ELAVL4: variants seen among roughly 807,000 people sequenced by gnomAD.
The protein encoded by ELAVL4 is ELAV-like protein 4.
A neutral mutation model predicts 35.6 loss-of-function variants in ELAVL4; 1 was observed. The ratio of observed to expected loss-of-function variants is 0.03; its 90% CI spans 0.01 to 0.13. The LOEUF (loss-of-function observed/expected upper bound fraction) is 0.13, where lower values mean the gene tolerates loss of function less well. Among genes scored for constraint, ELAVL4 ranks in the 10% least tolerant of loss-of-function variants. ELAVL4 has a pLI of 1.00. For synonymous variants in ELAVL4, 156 were observed against 171.0 expected, an observed-to-expected ratio of 0.91 and a Z score of 0.69; for missense variants, 267 against 464.9, an observed-to-expected ratio of 0.57 and a Z score of 3.91.
At chr1:50,099,199 A>G (rs1665847187), upstream of ELAVL4, among the ~76,000 whole-genome samples, 1 of 152,174 alleles carries the variant, frequency 6.6e-6, no homozygotes, top group Admixed American at 6.5e-5. Context: ...CTGTTATTCC[A>G]TGTGCTGGGG....
At chr1:50,174,416 A>C (rs1679602792) in intron 2 of ELAVL4, 1 of 150,154 alleles carries the variant, frequency 6.7e-6, no homozygotes. Flanking sequence ...GAAGTTCATT[A>C]TTTCATATCA....
chr1:50,061,449 T>A (rs1663966137), intron 1 of ELAVL4, among the ~76,000 whole-genome samples: 1 of 152,188 alleles, frequency 6.6e-6, no homozygotes, highest in Non-Finnish European at 1.5e-5. Flanking sequence ...TAAAATTACA[T>A]GTAGTTGTAT....
At chr1:50,196,414 G>C (rs1644063033) in intron 5 of ELAVL4, among the ~76,000 whole-genome samples, 1 of 152,178 alleles carries the variant, frequency 6.6e-6, no homozygotes, top group African/African-American at 2.4e-5. Flanking sequence ...CTAAAAGACA[G>C]GTTTCTCTCC....
chr1:50,099,590 A>G (rs924858049), upstream of ELAVL4, among the ~76,000 whole-genome samples: 1 of 151,920 alleles, frequency 6.6e-6, no homozygotes, highest in Non-Finnish European at 1.5e-5. Context: ...AGAAAGAAAA[A>G]GAAAGAAAGT....
intron 1 of ELAVL4, among the ~76,000 whole-genome samples, chr1:50,119,541 T>TA (rs1216002446): frequency 6.6e-6 from 1 of 152,080 alleles, no homozygotes; most frequent in Non-Finnish European, 1.5e-5. Context: ...TTCTTTTTTT[T>TA]AGATTTCTGG....
At chr1:50,144,896 A>C (rs754862257) in intron 1 of ELAVL4, 61 bp from the exon 2 acceptor site, 8 of 1,581,682 alleles carry the variant, frequency 5.1e-6, no homozygotes, top group Non-Finnish European at 6.8e-6. Flanking sequence ...ATAAACTTTT[A>C]AAAGAGACTT....
chr1:50,086,476 T>TTATATATATATATATA (rs35215248), intron 1 of ELAVL4, among the ~76,000 whole-genome samples: 3 of 144,410 alleles, frequency 2.1e-5, no homozygotes, highest in South Asian at 2.2e-4. Context: ...CATTCAGCTT[T>TTATATATATATATATA]TATATATATA....
intron 2 of ELAVL4, among the ~76,000 whole-genome samples, chr1:50,160,823 C>T (rs901217363): frequency 6.6e-6 from 1 of 152,198 alleles, no homozygotes; most frequent in African/African-American, 2.4e-5. Flanking sequence ...GTGCCAAGCC[C>T]TCTCACATAA....
intron 3 of ELAVL4, among the ~76,000 whole-genome samples, chr1:50,191,198 C>G (rs1462274941): frequency 6.6e-6 from 1 of 152,192 alleles, no homozygotes; most frequent in African/African-American, 2.4e-5. Context: ...ATGCCTTGTT[C>G]TTGCTGTGTT....
chr1:50,118,795 C>T (rs890384145), intron 1 of ELAVL4, among the ~76,000 whole-genome samples: 2 of 151,610 alleles, frequency 1.3e-5, no homozygotes, highest in Non-Finnish European at 1.5e-5. Context: ...CTTGAAACAC[C>T]GATTTTGAAT....
At chr1:50,055,424 C>T (rs1019978772) in intron 1 of ELAVL4, among the ~76,000 whole-genome samples, 2 of 151,992 alleles carry the variant, frequency 1.3e-5, no homozygotes, top group East Asian at 2.0e-4. Flanking sequence ...CTCAGCCTCC[C>T]GAGTAGCTGG....
rs1666633499 is a variant in ELAVL4 at position 50,109,066 on chromosome 1, CTG to C, written c.-120_-119del. On this transcript the variant is annotated 5_prime_UTR_variant, in exon 1 of 7. Coordinates refer to ENST00000371824, the MANE Select transcript of ELAVL4 (RefSeq NM_001144774.3). ...TTGATTTGCTTTACAATCATCCACA[CTG>C]TGTTTTGTGGATCTTTAATTATATA... 1.2e-6 allele frequency: 1 copy of C among 838,360 alleles called. No individual in the cohort carries two copies. Among genetic ancestry groups the C allele is most frequent in the African/African-American group, 2.0e-5 (1 of 50,116 alleles). The allele number at this position is 838,360 out of a possible 1,614,324, so 51.9% of individuals were successfully genotyped here. A position where few individuals can be genotyped will look rare whatever the true frequency, so the allele number is the denominator to read the frequency against.
intron 1 of ELAVL4, among the ~76,000 whole-genome samples, chr1:50,098,804 T>C (rs1317920834): frequency 3.9e-5 from 6 of 152,224 alleles, no homozygotes; most frequent in African/African-American, 1.4e-4. Flanking sequence ...CTCTCTTGTT[T>C]TTCACATTTT....
intron 2 of ELAVL4, among the ~76,000 whole-genome samples, chr1:50,149,085 A>G (rs929391302): frequency 6.6e-6 from 1 of 152,006 alleles, no homozygotes; most frequent in African/African-American, 2.4e-5. Context: ...TAAGGAAAGA[A>G]AAAAAAAGAA....
chr1:50,162,139 T>C lies in ELAVL4; in HGVS notation c.251-14950T>C, dbSNP rs148815659. ...GATTATAAATTGCAATGATAATGCT[T>C]ACCTTGTTGGATTGCTTTAGACAAT... On this transcript the variant is annotated intron_variant, in intron 2 of 6. Coordinates refer to ENST00000371824, the MANE Select transcript of ELAVL4 (RefSeq NM_001144774.3). 3.9e-4 allele frequency among the ~76,000 whole-genome samples: 60 copies of C among 152,358 alleles called. 1 individual carries two copies. In the East Asian group the frequency reaches 9.4e-3, roughly 24 times the overall value.
rs1666624794 is a variant in ELAVL4, at chr1:50,109,032, C to CAA, written c.-154_-153dup. 1.0e-6 allele frequency: 1 copy of CAA among 978,404 alleles called. No homozygotes were observed. Among genetic ancestry groups the CAA allele is most frequent in the Non-Finnish European group, 1.2e-6 (1 of 824,074 alleles). The allele number at this position is 978,404 out of a possible 1,614,324, so 60.6% of individuals were successfully genotyped here. On this transcript the variant is annotated 5_prime_UTR_variant, in exon 1 of 7. Coordinates refer to ENST00000371824, the MANE Select transcript of ELAVL4 (RefSeq NM_001144774.3). Reference sequence around the variant, plus strand: ...TCTTTCTCTCCCCCGCCCACCCCCCCAAAAATAATTGATTTGCTTTACAAT... The same window carrying CAA: ...TCTTTCTCTCCCCCGCCCACCCCCCCAAAAAAATAATTGATTTGCTTTACAAT...
At chr1:50,146,885 G>A (rs1451712991) in intron 2 of ELAVL4, among the ~76,000 whole-genome samples, 1 of 151,950 alleles carries the variant, frequency 6.6e-6, no homozygotes, top group Non-Finnish European at 1.5e-5. Flanking sequence ...CGAGATTTTT[G>A]AGAAGTACTG....
chr1:50,066,892 A>G (rs11591092), intron 1 of ELAVL4, among the ~76,000 whole-genome samples: 441 of 152,306 alleles, frequency 2.9e-3, no homozygotes, highest in Non-Finnish European at 4.3e-3. Context: ...GCTTCTAAAT[A>G]TAGCATGTCC....
In ELAVL4 at chr1:50,133,641, AAGAAAGAAAG is replaced by A. The variant is rs1401856990; in HGVS notation, c.10-11304_10-11295del. 2.3e-3 allele frequency among the ~76,000 whole-genome samples: 338 copies of A among 147,880 alleles called. 1 individual carries two copies. Among genetic ancestry groups the A allele is most frequent in the African/African-American group, 8.2e-3 (318 of 38,710 alleles). On this transcript the variant is annotated intron_variant, in intron 1 of 6. Transcript: ENST00000371824. ...AAAGAAAGAAAGAAAGAAAGAAAGA[AAGAAAGAAAG>A]AGAAAGAAAGAAAGAAAGAAAGAAG...
Sources: gnomAD v4.1 joint callset for allele counts (sites outside exome capture counted in the v4.1 genomes callset) on GRCh38, gnomAD v4.1.1 for gene constraint, MANE v1.5 for transcripts, NCBI Gene and HGNC (gene_info 2026-07-23, HGNC 2026-07-21) for gene names.